The following DDAH1 variants were observed in gnomAD, a reference collection of about 807,000 sequenced individuals.
DDAH1 encodes dimethylarginine dimethylaminohydrolase 1.
DDAH1 carries 19 observed loss-of-function variants against 28.8 expected under a neutral mutation model. That is an observed-to-expected ratio of 0.66 (90% CI 0.46 to 0.97). The LOEUF (loss-of-function observed/expected upper bound fraction) is 0.97. Among genes scored for constraint, DDAH1 ranks in the 50% least tolerant of loss-of-function variants. The pLI, the probability that DDAH1 is intolerant of heterozygous loss-of-function variation, is 0.00. For synonymous variants in DDAH1, 153 were observed against 154.4 expected, an observed-to-expected ratio of 0.99 and a Z score of 0.07; for missense variants, 326 against 375.9, an observed-to-expected ratio of 0.87 and a Z score of 1.10.
intron 4 of DDAH1, 50 bp from the exon 5 acceptor site, chr1:85,324,933 C>A (rs760299209): frequency 6.2e-7 from 1 of 1,602,088 alleles, no homozygotes; most frequent in Non-Finnish European, 8.5e-7. Flanking sequence ...CCCACACTTT[C>A]AAACAGAAGG....
chr1:85,321,637 C>A (rs531934437), intron 5 of DDAH1, 69 bp from the exon 6 acceptor site: 3 of 1,237,256 alleles, frequency 2.4e-6, no homozygotes, highest in African/African-American at 3.0e-5. Context: ...AGTGGAGAAT[C>A]AATTTGATTT....
chr1:85,376,050 A>T (rs766565236), intron 1 of DDAH1, among the ~76,000 whole-genome samples: 5 of 152,186 alleles, frequency 3.3e-5, no homozygotes, highest in Non-Finnish European at 7.3e-5. Flanking sequence ...TTTCCTCAAC[A>T]CCAGGGAAGT....
chr1:85,433,306 T>A (rs1369998280), intron 1 of DDAH1, among the ~76,000 whole-genome samples: 2 of 152,084 alleles, frequency 1.3e-5, no homozygotes, highest in African/African-American at 2.4e-5. Context: ...AGCAGGGGTT[T>A]GAGCTTGGCA....
intron 4 of DDAH1, among the ~76,000 whole-genome samples, chr1:85,329,714 T>C (rs1647647583): frequency 6.6e-6 from 1 of 152,228 alleles, no homozygotes. Context: ...GGAGAAGCTT[T>C]TCAATTAATT....
At chr1:85,502,295 G>A (rs551054727) in intron 1 of DDAH1, among the ~76,000 whole-genome samples, 3 of 152,200 alleles carry the variant, frequency 2.0e-5, no homozygotes, top group African/African-American at 4.8e-5. Context: ...GCCCAACAAC[G>A]AGAGGAAACG....
Position 85,383,769 on chromosome 1 carries a change from T to A in DDAH1, c.304-24922A>T, listed in dbSNP as rs1651116060. ...AGCCATCGACATTGAGACGAGACCC[T>A]CCCCAAGAAAAAGATTATGACTTGC... is the stretch of plus-strand genomic sequence containing the variant. On this transcript the variant is annotated intron_variant, in intron 1 of 5. Coordinates refer to ENST00000284031, the MANE Select transcript of DDAH1 (RefSeq NM_012137.4). 2.0e-5 allele frequency among the ~76,000 whole-genome samples: 3 copies of A among 152,236 alleles called. No individual in the cohort carries two copies. The South Asian group carries it at 6.2e-4, about 32-fold the overall frequency.
intron 1 of DDAH1, among the ~76,000 whole-genome samples, chr1:85,463,109 CTAA>C (rs1045187059): frequency 2.6e-5 from 4 of 152,188 alleles, no homozygotes; most frequent in Non-Finnish European, 5.9e-5. Flanking sequence ...GAGATTCAGT[CTAA>C]TGTTTTTATC....
chr1:85,405,121 T>G (rs1317730553), intron 1 of DDAH1, among the ~76,000 whole-genome samples: 1 of 152,170 alleles, frequency 6.6e-6, no homozygotes, highest in African/African-American at 2.4e-5. Context: ...AGTAATCAGT[T>G]TTATGTAGCT....
intron 1 of DDAH1, among the ~76,000 whole-genome samples, chr1:85,552,551 C>T (rs564010295): frequency 5.3e-5 from 8 of 152,300 alleles, no homozygotes; most frequent in African/African-American, 1.9e-4. Flanking sequence ...CTTAATTCTT[C>T]TCATCATCAT....
At chr1:85,557,952 G>T (rs762586008) in intron 1 of DDAH1, among the ~76,000 whole-genome samples, 2 of 152,092 alleles carry the variant, frequency 1.3e-5, no homozygotes, top group Non-Finnish European at 1.5e-5. Flanking sequence ...AGTTTATGTT[G>T]TTTAAGCCAC....
intron 1 of DDAH1, among the ~76,000 whole-genome samples, chr1:85,415,536 C>T (rs1229607894): frequency 6.6e-6 from 1 of 151,922 alleles, no homozygotes; most frequent in African/African-American, 2.4e-5. Context: ...TATAAATCAG[C>T]AGAAAAAACT....
intron 1 of DDAH1, among the ~76,000 whole-genome samples, chr1:85,460,317 T>G (rs573874517): frequency 6.6e-6 from 1 of 152,328 alleles, no homozygotes; most frequent in Non-Finnish European, 1.5e-5. Context: ...ATATTCCCCA[T>G]CCCTTCCATT....
intron 1 of DDAH1, among the ~76,000 whole-genome samples, chr1:85,573,585 G>A (rs189635621): frequency 6.6e-6 from 1 of 152,310 alleles, no homozygotes; most frequent in African/African-American, 2.4e-5. Context: ...TAGATGCCAA[G>A]TGGAGAAAAT....
chr1:85,432,757 T>C (rs1653751866), intron 1 of DDAH1, among the ~76,000 whole-genome samples: 1 of 152,236 alleles, frequency 6.6e-6, no homozygotes, highest in East Asian at 1.9e-4. Context: ...CATTAGTTAA[T>C]TTAAATGTTT....
chr1:85,397,054 T>G (rs1163798610), intron 1 of DDAH1, among the ~76,000 whole-genome samples: 1 of 150,270 alleles, frequency 6.7e-6, no homozygotes, highest in African/African-American at 2.5e-5. Context: ...AAAAAAAAGG[T>G]TTTTCAAAAT....
At chr1:85,536,012 T>A (rs1407772071) in intron 1 of DDAH1, among the ~76,000 whole-genome samples, 3 of 151,982 alleles carry the variant, frequency 2.0e-5, no homozygotes, top group Non-Finnish European at 2.9e-5. Context: ...TGTAATCCCA[T>A]CACTTTGGGA....
chr1:85,461,162 T>C (rs538328724), intron 1 of DDAH1, among the ~76,000 whole-genome samples: 1 of 152,190 alleles, frequency 6.6e-6, no homozygotes, highest in East Asian at 1.9e-4. Context: ...AAAAGTAAGT[T>C]GGAGTCATGT....
At chr1:85,392,510 G>A (rs1465755659) in intron 1 of DDAH1, among the ~76,000 whole-genome samples, 1 of 152,064 alleles carries the variant, frequency 6.6e-6, no homozygotes, top group African/African-American at 2.4e-5. Context: ...AAATGAACCC[G>A]TGGGCTGGGT....
chr1:85,360,973 T>C lies in DDAH1; in HGVS notation c.304-2126A>G, dbSNP rs1649764419. Among the ~76,000 whole-genome samples, 4 of 152,344 alleles carry C rather than the reference T, an allele frequency of 2.6e-5. 1 individual carries two copies. In the South Asian group the frequency reaches 8.3e-4, roughly 32 times the overall value. Reference sequence around the variant, plus strand: ...TCAGGATAGGTCCATACCACACATGTTGATGATACTACATTACTTTCAGAG... The same window carrying C: ...TCAGGATAGGTCCATACCACACATGCTGATGATACTACATTACTTTCAGAG... On this transcript the variant is annotated intron_variant, in intron 1 of 5. Transcript: ENST00000284031.
Sources: gnomAD v4.1 joint callset for allele counts (sites outside exome capture counted in the v4.1 genomes callset) on GRCh38, gnomAD v4.1.1 for gene constraint, MANE v1.5 for transcripts, NCBI Gene and HGNC (gene_info 2026-07-23, HGNC 2026-07-21) for gene names.